GALK2: variants seen among roughly 807,000 people sequenced by gnomAD.
GALK2 encodes the protein galactokinase 2.
A neutral mutation model predicts 52.4 loss-of-function variants in GALK2; 36 were observed. The observed-to-expected ratio is 0.69, with a 90% CI of 0.53 to 0.91. The LOEUF (loss-of-function observed/expected upper bound fraction) is 0.91, where lower values mean the gene tolerates loss of function less well. Among genes scored for constraint, GALK2 ranks in the 40% least tolerant of loss-of-function variants. The probability of loss-of-function intolerance (pLI) is 0.00; values close to 1 mark genes in which losing one functional copy is unlikely to be tolerated. For missense variants in GALK2, 579 were observed against 559.1 expected, an observed-to-expected ratio of 1.04 and a Z score of -0.36; for synonymous variants, 176 against 199.1, an observed-to-expected ratio of 0.88 and a Z score of 0.98.
chr15:49,236,166 G>T (rs1417631681), intron 4 of GALK2, among the ~76,000 whole-genome samples: 1 of 152,138 alleles, frequency 6.6e-6, no homozygotes, highest in Non-Finnish European at 1.5e-5. Flanking sequence ...TCATAAATAG[G>T]TGCATCTGAC....
chr15:49,221,987 T>C (rs1429795921), intron 3 of GALK2, among the ~76,000 whole-genome samples: 1 of 152,174 alleles, frequency 6.6e-6, no homozygotes, highest in Non-Finnish European at 1.5e-5. Context: ...TGTAGACTGC[T>C]TTGGGCAGTA....
chr15:49,200,462 C>T (rs1403334562), intron 1 of GALK2, among the ~76,000 whole-genome samples: 2 of 152,088 alleles, frequency 1.3e-5, no homozygotes, highest in Non-Finnish European at 2.9e-5. Context: ...AAGATGAGGT[C>T]GTACTCAATT....
At chr15:49,259,548 C>G (rs1472283996) in intron 5 of GALK2, among the ~76,000 whole-genome samples, 5 of 149,216 alleles carry the variant, frequency 3.4e-5, no homozygotes, top group Non-Finnish European at 1.5e-5. Flanking sequence ...CATAGTATTC[C>G]ATGGTGTATA....
chr15:49,207,962 G>A (rs568406108), intron 2 of GALK2, among the ~76,000 whole-genome samples: 10 of 152,102 alleles, frequency 6.6e-5, no homozygotes, highest in African/African-American at 2.4e-4. Flanking sequence ...TAGTAGAGAC[G>A]AGATTTCACC....
chr15:49,284,970 G>A (rs890693763), intron 7 of GALK2, among the ~76,000 whole-genome samples: 1 of 152,014 alleles, frequency 6.6e-6, no homozygotes, highest in African/African-American at 2.4e-5. Context: ...TCTACCCTAA[G>A]CCTCACAACT....
intron 3 of GALK2, among the ~76,000 whole-genome samples, chr15:49,346,370 A>C (rs116263680): frequency 0.021 from 3,234 of 152,274 alleles, 94 homozygotes; most frequent in South Asian, 0.077. Flanking sequence ...CTTGCACAGA[A>C]TGAACCTGTT....
In GALK2 at chr15:49,327,969, G is replaced by A; in HGVS notation, c.1187G>A (p.Gly396Glu). Residue 396 changes from glycine (G) to glutamate (E), a missense_variant, in exon 10 of 10, where the codon GGG (glycine) becomes GAG (glutamate). Transcript: ENST00000560031. ...TGTTTTAGGAAGTTTGGGGCTCAAGGGTCACGACTTACTGGAGCAGGATGG... is the reference window on the plus strand; with the variant it reads ...TGTTTTAGGAAGTTTGGGGCTCAAGAGTCACGACTTACTGGAGCAGGATGG... ...VDICRKFGAQ[G>E]SRLTGAGWGG... 1 of 1,612,972 alleles carries A rather than the reference G, an allele frequency of 6.2e-7. No individual in the cohort carries two copies. Among genetic ancestry groups the A allele is most frequent in the South Asian group, 1.1e-5 (1 of 90,926 alleles).
intron 5 of GALK2, among the ~76,000 whole-genome samples, chr15:49,252,916 T>C (rs2091671781): frequency 6.9e-6 from 1 of 144,668 alleles, no homozygotes; most frequent in African/African-American, 2.5e-5. Flanking sequence ...ATAGTTTAAA[T>C]GTTTAATCTT....
At chr15:49,349,350 G>C (rs2151289572) in intron 3 of GALK2, among the ~76,000 whole-genome samples, 1 of 152,084 alleles carries the variant, frequency 6.6e-6, no homozygotes, top group Non-Finnish European at 1.5e-5. Flanking sequence ...TTAACTGGCA[G>C]AGTTTATAAA....
At chr15:49,295,204 A>C (rs889147116) in intron 8 of GALK2, among the ~76,000 whole-genome samples, 3 of 151,952 alleles carry the variant, frequency 2.0e-5, no homozygotes, top group Non-Finnish European at 4.4e-5. Context: ...AAAGGAAGGG[A>C]AGAAGAAAAG....
intron 5 of GALK2, among the ~76,000 whole-genome samples, chr15:49,241,897 G>A (rs374236071): frequency 5.3e-5 from 8 of 152,190 alleles, no homozygotes; most frequent in African/African-American, 1.4e-4. Context: ...TTTTTTTATC[G>A]GAACTATCTT....
intron 8 of GALK2, among the ~76,000 whole-genome samples, chr15:49,299,145 AT>A (rs2034741360): frequency 6.6e-6 from 1 of 151,580 alleles, no homozygotes; most frequent in African/African-American, 2.4e-5. Context: ...GAGTTTATTC[AT>A]TTCTTTTAGG....
At chr15:49,283,824 C>G (rs1342687057) in intron 7 of GALK2, 106 bp downstream of exon 7, 2 of 1,113,420 alleles carry the variant, frequency 1.8e-6, no homozygotes, top group Non-Finnish European at 2.6e-6. Flanking sequence ...GGGCAACATT[C>G]TGACTGCACA....
chr15:49,266,561 A>G (rs2092368629), intron 5 of GALK2, among the ~76,000 whole-genome samples: 1 of 152,144 alleles, frequency 6.6e-6, no homozygotes, highest in Admixed American at 6.5e-5. Context: ...TCTGGTCTCC[A>G]TTTTAGAAAA....
At chr15:49,316,024 T>G (rs2036377826) in intron 8 of GALK2, among the ~76,000 whole-genome samples, 1 of 152,206 alleles carries the variant, frequency 6.6e-6, no homozygotes, top group South Asian at 2.1e-4. Flanking sequence ...TTGAGTTTTA[T>G]TACAGGATAT....
At chr15:49,366,577 G>A in intron 3 of GALK2, 2 of 1,597,072 alleles carry the variant, frequency 1.3e-6, no homozygotes, top group East Asian at 2.2e-5. Context: ...CCTTGGATGT[G>A]CCATTTCCAG....
intron 8 of GALK2, among the ~76,000 whole-genome samples, chr15:49,302,476 C>T (rs1324757244): frequency 1.3e-5 from 2 of 151,996 alleles, no homozygotes; most frequent in African/African-American, 4.8e-5. Flanking sequence ...GGAATTTTCA[C>T]GTTTAATAAA....
chr15:49,162,075 G>C (rs536410701), intron 1 of GALK2, among the ~76,000 whole-genome samples: 1 of 152,098 alleles, frequency 6.6e-6, no homozygotes, highest in Non-Finnish European at 1.5e-5. Context: ...AAACTATCAC[G>C]ACACAAGATA....
At chr15:49,299,772 T>TTTCGTGCTGTAG (rs2034917310) in intron 8 of GALK2, among the ~76,000 whole-genome samples, 1 of 133,256 alleles carries the variant, frequency 7.5e-6, no homozygotes, top group African/African-American at 2.9e-5. Context: ...TCTTTCTTTC[T>TTTCGTGCTGTAG]TTCTTTCTTT....
Sources: allele counts gnomAD v4.1 joint callset (sites outside exome capture counted in the v4.1 genomes callset), GRCh38; gene constraint gnomAD v4.1.1; transcripts MANE v1.5; gene names NCBI Gene and HGNC (gene_info 2026-07-23, HGNC 2026-07-21).